PEX1: variants seen among roughly 807,000 people sequenced by gnomAD.
PEX1 encodes peroxisomal ATPase PEX1.
A neutral mutation model predicts 152.5 loss-of-function variants in PEX1; 97 were observed. That is an observed-to-expected ratio of 0.64 (90% CI 0.54 to 0.75). The LOEUF is 0.75. PEX1 is among the 30% of genes least tolerant of loss of function. PEX1 has a pLI of 0.00. For synonymous variants in PEX1, 485 were observed against 531.6 expected, an observed-to-expected ratio of 0.91 and a Z score of 1.21; for missense variants, 1,357 against 1,516.3, an observed-to-expected ratio of 0.89 and a Z score of 1.74.
chr7:92,512,876 C>G (rs567243952), intron 6 of PEX1, among the ~76,000 whole-genome samples: 12 of 152,138 alleles, frequency 7.9e-5, no homozygotes, highest in Non-Finnish European at 8.8e-5. Flanking sequence ...AGCAATCCTC[C>G]CACCTCAGCT....
intron 1 of PEX1, 124 bp from the exon 2 acceptor site, chr7:92,522,369 C>A: frequency 1.1e-6 from 1 of 923,840 alleles, no homozygotes; most frequent in Non-Finnish European, 1.7e-6. Context: ...TCTCTGTTAT[C>A]TACATTTGTT....
At chr7:92,510,073 G>A (rs1792384183) in intron 8 of PEX1, among the ~76,000 whole-genome samples, 1 of 151,748 alleles carries the variant, frequency 6.6e-6, no homozygotes, top group Non-Finnish European at 1.5e-5. Flanking sequence ...GAACCCAGGA[G>A]GTGGAGGTTG....
intron 5 of PEX1, among the ~76,000 whole-genome samples, chr7:92,514,865 T>C (rs1792650295): frequency 6.6e-6 from 1 of 151,662 alleles, no homozygotes; most frequent in South Asian, 2.1e-4. Context: ...GCGTGGCCAA[T>C]ATGGTGAAAC....
At position 92,487,397 on chromosome 7, in the gene PEX1, TACAA is replaced by T; in HGVS notation, c.*56_*59del. The T allele has an allele frequency of 1.1e-6, 1 of 882,998 alleles. No individual in the cohort carries two copies. The highest frequency in any genetic ancestry group is 2.1e-5 in the Admixed American group (1 of 47,438). 54.7% of individuals were successfully genotyped at this position (882,998 alleles called of 1,614,324 possible). ...TTCATAGACACCATTTTTTTCCTGT[TACAA>T]CATATGGAAAAGCCATCAAAAAACT... On this transcript the variant is annotated 3_prime_UTR_variant, in exon 24 of 24. Transcript: ENST00000248633.
intron 1 of PEX1, among the ~76,000 whole-genome samples, chr7:92,526,118 A>G (rs552549294): frequency 3.8e-4 from 58 of 152,334 alleles, no homozygotes; most frequent in Admixed American, 5.9e-4. Context: ...GTTTCCTTAC[A>G]TGTAAAAGTA....
intron 20 of PEX1, among the ~76,000 whole-genome samples, chr7:92,491,832 T>TA (rs1404567712): frequency 5.3e-5 from 8 of 152,172 alleles, no homozygotes; most frequent in Non-Finnish European, 1.2e-4. Context: ...TCAACCATGT[T>TA]ATAGAGTGCT....
intron 9 of PEX1, among the ~76,000 whole-genome samples, chr7:92,508,661 T>C (rs1202581293): frequency 6.6e-6 from 1 of 152,188 alleles, no homozygotes; most frequent in Admixed American, 6.5e-5. Context: ...ATCAAATCCC[T>C]ACTACTACAT....
At chr7:92,526,752 C>T (rs1285758328) in intron 1 of PEX1, among the ~76,000 whole-genome samples, 2 of 152,014 alleles carry the variant, frequency 1.3e-5, no homozygotes, top group East Asian at 3.9e-4. Context: ...AATAAAAACA[C>T]CAGGACACAA....
Position 92,503,083 on chromosome 7 carries a change from A to G in PEX1, c.2184T>C (p.Val728=). 6.2e-7 allele frequency: 1 copy of G among 1,613,864 alleles called. No individual in the cohort carries two copies. The highest frequency in any genetic ancestry group is 8.5e-7 in the Non-Finnish European group (1 of 1,179,818). ...LHPLLVSAQG[V]HIFQCVQHIQ... is the part of the protein sequence containing the mutation. ...TGTGTTGGACGCACTGAAATATGTGAACTCCTTGAGCAGAAACAAGTAAAG... is the reference window on the plus strand; with the variant it reads ...TGTGTTGGACGCACTGAAATATGTGGACTCCTTGAGCAGAAACAAGTAAAG... The change falls in exon 13 of 24, where the codon GTT becomes GTC. Residue 728 remains valine, a synonymous_variant. Coordinates refer to ENST00000248633, the MANE Select transcript of PEX1 (RefSeq NM_000466.3).
chr7:92,499,876 A>T, intron 15 of PEX1, 38 bp from the exon 16 acceptor site: 1 of 1,553,328 alleles, frequency 6.4e-7, no homozygotes, highest in South Asian at 1.1e-5. Flanking sequence ...AAAGAGCTCA[A>T]GTCTAAACAG....
chr7:92,524,156 C>T (rs916511034), intron 1 of PEX1, among the ~76,000 whole-genome samples: 1 of 151,988 alleles, frequency 6.6e-6, no homozygotes, highest in African/African-American at 2.4e-5. Context: ...GGCAAAATCA[C>T]GGCTCACTGC....
rs1793399605 is a variant in PEX1, at chr7:92,528,368, T to C, written c.68A>G (p.Asn23Ser). 2 of 1,590,184 alleles carry C rather than the reference T, an allele frequency of 1.3e-6. No homozygotes were observed. Among genetic ancestry groups the C allele is most frequent in the South Asian group, 1.1e-5 (1 of 88,114 alleles). Residue 23 changes from asparagine (N) to serine (S), a missense_variant, in exon 1 of 24, where the codon AAC (asparagine) becomes AGC (serine). By Grantham distance (46) the Asn-to-Ser change is conservative. Coordinates refer to ENST00000248633, the MANE Select transcript of PEX1 (RefSeq NM_000466.3). ...GGAAVTVAFTNARDCFLHLPR... is the reference protein window; with the variant it reads ...GGAAVTVAFTSARDCFLHLPR... ...CAGGTGGAGGAAGCAGTCGCGAGCG[T>C]TGGTGAAGGCCACAGTCACTGCCGC... is the stretch of plus-strand genomic sequence containing the variant.
At position 92,489,299 on chromosome 7, in the gene PEX1, G is replaced by T; in HGVS notation, c.3761C>A (p.Ala1254Asp). Residue 1254 changes from alanine to aspartate, a missense_variant, in exon 23 of 24, where the codon GCT becomes GAT. Coordinates refer to ENST00000248633, the MANE Select transcript of PEX1 (RefSeq NM_000466.3). ...SISEDDWKNFAELYESFQNPK... is the reference protein window; with the variant it reads ...SISEDDWKNFDELYESFQNPK... ...AACAGAATCTGTTACTTACAGCTCA[G>T]CAAAATTCTTCCAGTCATCTTCACT... The T allele has an allele frequency of 6.2e-7, 1 of 1,613,382 alleles. No individual in the cohort carries two copies. Among genetic ancestry groups the T allele is most frequent in the Non-Finnish European group, 8.5e-7 (1 of 1,179,522 alleles).
At chr7:92,509,826 C>T (rs963272513) in intron 8 of PEX1, among the ~76,000 whole-genome samples, 6 of 151,912 alleles carry the variant, frequency 3.9e-5, no homozygotes, top group Admixed American at 2.6e-4. Flanking sequence ...AATGAATGTC[C>T]TAATCAAAAA....
At chr7:92,525,593 G>C (rs1207652882) in intron 1 of PEX1, among the ~76,000 whole-genome samples, 1 of 152,186 alleles carries the variant, frequency 6.6e-6, no homozygotes, top group Non-Finnish European at 1.5e-5. Context: ...CAGATAGGGG[G>C]AGGCAGTACA....
intron 12 of PEX1, among the ~76,000 whole-genome samples, chr7:92,504,462 A>G (rs573479652): frequency 6.6e-6 from 1 of 152,164 alleles, no homozygotes; most frequent in Non-Finnish European, 1.5e-5. Flanking sequence ...AATGAACAAA[A>G]GAGTAAATCT....
rs553001596 is a variant in PEX1, at chr7:92,489,304, A to T, written c.3756T>A (p.Asn1252Lys). Reference sequence around the variant, plus strand: ...AATCTGTTACTTACAGCTCAGCAAAATTCTTCCAGTCATCTTCACTAATGG... The same window carrying T: ...AATCTGTTACTTACAGCTCAGCAAATTTCTTCCAGTCATCTTCACTAATGG... ...RPSISEDDWK[N>K]FAELYESFQN... Residue 1252 changes from asparagine to lysine, a missense_variant, in exon 23 of 24, where the codon AAT becomes AAA. Transcript: ENST00000248633. 5.5e-5 allele frequency: 88 copies of T among 1,613,726 alleles called. No homozygotes were observed. The South Asian group carries it at 7.1e-4, about 13-fold the overall frequency.
intron 1 of PEX1, among the ~76,000 whole-genome samples, chr7:92,522,498 A>G (rs1367654585): frequency 6.6e-6 from 1 of 152,220 alleles, no homozygotes; most frequent in East Asian, 1.9e-4. Context: ...TCAGAATTCA[A>G]AATGGCAGCA....
chr7:92,520,610 A>T (rs1452400442), intron 2 of PEX1, among the ~76,000 whole-genome samples: 2 of 152,204 alleles, frequency 1.3e-5, no homozygotes, highest in African/African-American at 4.8e-5. Flanking sequence ...ATTCTGAGAA[A>T]GCACAAAGCA....
Sources: gnomAD v4.1 joint callset for allele counts (sites outside exome capture counted in the v4.1 genomes callset) on GRCh38, gnomAD v4.1.1 for gene constraint, MANE v1.5 for transcripts, NCBI Gene and HGNC (gene_info 2026-07-23, HGNC 2026-07-21) for gene names.